Variants in CMAS observed in about 807,000 individuals in gnomAD.
CMAS encodes the protein cytidine monophosphate N-acetylneuraminic acid synthetase.
CMAS carries 21 observed loss-of-function variants against 53.4 expected under a neutral mutation model. The observed-to-expected ratio is 0.39, with a 90% CI of 0.28 to 0.57. The LOEUF (loss-of-function observed/expected upper bound fraction) is 0.57. Ranked by LOEUF, CMAS falls within the 20% of genes least tolerant of loss-of-function variation. The probability of loss-of-function intolerance (pLI) is 0.56; values close to 1 mark genes in which losing one functional copy is unlikely to be tolerated. For missense variants in CMAS, 384 were observed against 534.9 expected, an observed-to-expected ratio of 0.72 and a Z score of 2.78; for synonymous variants, 189 against 195.2, an observed-to-expected ratio of 0.97 and a Z score of 0.27.
In CMAS at chr12:22,064,077, T is replaced by C. The variant is rs1950327597; in HGVS notation, c.1115-1044T>C. The C allele has an allele frequency of 2.0e-5, 3 of 152,306 alleles. No homozygotes were observed. The South Asian group carries it at 6.2e-4, about 32-fold the overall frequency. 9.4% of individuals were successfully genotyped at this position (152,306 alleles called of 1,614,324 possible). On this transcript the variant is annotated intron_variant, in intron 7 of 7. Coordinates refer to ENST00000229329, the MANE Select transcript of CMAS (RefSeq NM_018686.6). The stretch of plus-strand genomic sequence containing the variant: ...GGCTGGATTATGCAAATACTAACTT[T>C]TTTTATTTTAGTGAAAACGATTCAA...
intron 4 of CMAS, among the ~76,000 whole-genome samples, chr12:22,059,664 G>T (rs895786308): frequency 6.6e-6 from 1 of 152,182 alleles, no homozygotes; most frequent in Non-Finnish European, 1.5e-5. Context: ...TGGTCAATGT[G>T]TAGGCAAACT....
In CMAS at chr12:22,060,822, C is replaced by T. The variant is rs377541104; in HGVS notation, c.694-10C>T. 187 of 1,525,906 alleles carry T rather than the reference C, an allele frequency of 1.2e-4. No individual in the cohort carries two copies. Among genetic ancestry groups the T allele is most frequent in the Admixed American group, 4.5e-4 (27 of 59,784 alleles). The allele number at this position is 1,525,906 out of a possible 1,614,324, so 94.5% of individuals were successfully genotyped here. On this transcript the variant is annotated splice_polypyrimidine_tract_variant and intron_variant, in intron 4 of 7. Transcript: ENST00000229329. The stretch of plus-strand genomic sequence containing the variant: ...AAAAACAGTATTCATGACATTTATA[C>T]TACCTTTAGGGTGGAAAAATGGCAT...
At chr12:22,049,066 CTT>C (rs1591791687) in intron 1 of CMAS, among the ~76,000 whole-genome samples, 1 of 152,274 alleles carries the variant, frequency 6.6e-6, no homozygotes, top group East Asian at 1.9e-4. Flanking sequence ...TTTTGTGTGT[CTT>C]TGATAGCAGT....
intron 1 of CMAS, 47 bp downstream of exon 1, chr12:22,046,610 A>G (rs1256005534): frequency 1.4e-5 from 21 of 1,469,106 alleles, no homozygotes; most frequent in African/African-American, 2.9e-5. Context: ...GGGGGTCGGG[A>G]GAGGGAGTCG....
At position 22,053,526 on chromosome 12, in the gene CMAS, T is replaced by TAC. The variant is rs546832349; in HGVS notation, c.261-1615_261-1614dup. Among the ~76,000 whole-genome samples, 628 of 147,884 alleles carry TAC rather than the reference T, an allele frequency of 4.2e-3. 5 individuals are homozygous for TAC. Among genetic ancestry groups the TAC allele is most frequent in the African/African-American group, 0.015 (580 of 39,814 alleles). On this transcript the variant is annotated intron_variant, in intron 1 of 7. Transcript: ENST00000229329. The stretch of plus-strand genomic sequence containing the variant: ...TACACACCAAATATATATATATATA[T>TAC]ACACACACATACACCAAAGACTATA...
At chr12:22,054,629 T>C (rs540896888) in intron 1 of CMAS, among the ~76,000 whole-genome samples, 198 of 152,234 alleles carry the variant, frequency 1.3e-3, no homozygotes, top group African/African-American at 4.5e-3. Context: ...ATTTTTTTTT[T>C]TTTAGCAAGC....
At chr12:22,062,911 T>C (rs1421742856) in intron 7 of CMAS, among the ~76,000 whole-genome samples, 1 of 152,202 alleles carries the variant, frequency 6.6e-6, no homozygotes, top group East Asian at 1.9e-4. Context: ...AATGGGCCAA[T>C]AGTGAAGTTA....
chr12:22,046,474 C>T lies in CMAS; in HGVS notation c.171C>T (p.Gly57=). Residue 57 remains glycine (G), a synonymous_variant, in exon 1 of 8, where the codon GGC becomes GGT. Transcript: ENST00000229329. The part of the protein sequence containing the change: ...ALILARGGSK[G]IPLKNIKHLA... ...TTCTGGCCCGGGGAGGCAGCAAAGG[C>T]ATCCCCCTGAAGAACATTAAGCACC... 6.2e-7 allele frequency: 1 copy of T among 1,610,480 alleles called. No homozygotes were observed. Among genetic ancestry groups the T allele is most frequent in the Non-Finnish European group, 8.5e-7 (1 of 1,178,748 alleles).
intron 3 of CMAS, among the ~76,000 whole-genome samples, chr12:22,058,284 G>A (rs934411582): frequency 6.6e-6 from 1 of 151,496 alleles, no homozygotes; most frequent in Non-Finnish European, 1.5e-5. Context: ...AATTAGCCAG[G>A]TGTGGTGGTG....
chr12:22,062,039 G>A (rs1950311374), intron 6 of CMAS, among the ~76,000 whole-genome samples: 1 of 152,158 alleles, frequency 6.6e-6, no homozygotes, highest in South Asian at 2.1e-4. Context: ...CCTTTCTATT[G>A]TAGAAAATAA....
In CMAS at chr12:22,055,623, CA is replaced by C; in HGVS notation, c.559+14del. On this transcript the variant is annotated intron_variant, in intron 3 of 7. Transcript: ENST00000229329. The stretch of plus-strand genomic sequence containing the variant: ...ATTCAGAAAGGAGGTAATCTCTTTT[CA>C]GTCTTTATTTTAGCTGATTTTATTG... 1 of 1,603,132 alleles carries C rather than the reference CA, an allele frequency of 6.2e-7. No homozygotes were observed. Among genetic ancestry groups the C allele is most frequent in the Non-Finnish European group, 8.5e-7 (1 of 1,177,090 alleles).
chr12:22,057,860 G>A (rs1038649162), intron 3 of CMAS, among the ~76,000 whole-genome samples: 1 of 145,868 alleles, frequency 6.9e-6, no homozygotes, highest in Non-Finnish European at 1.5e-5. Flanking sequence ...GTCTCACTCT[G>A]TTGCCCAGGC....
chr12:22,058,441 A>G, intron 3 of CMAS, 126 bp from the exon 4 acceptor site: 1 of 834,488 alleles, frequency 1.2e-6, no homozygotes, highest in Non-Finnish European at 1.8e-6. Context: ...AAAAAAAGAA[A>G]AGTTCTTTAT....
At position 22,065,533 on chromosome 12, in the gene CMAS, A is replaced by G. The variant is rs964487825; in HGVS notation, c.*222A>G. On this transcript the variant is annotated 3_prime_UTR_variant, in exon 8 of 8. Transcript: ENST00000229329. ...GTAAATGCAAGTAAGAACATCATCA[A>G]AGTTCACTTTGTATTGTACCCTGTA... is the stretch of plus-strand genomic sequence containing the variant. The G allele has an allele frequency of 8.5e-6, 4 of 470,674 alleles. No homozygotes were observed. Among genetic ancestry groups the G allele is most frequent in the East Asian group, 6.9e-5 (2 of 28,928 alleles). 29.2% of individuals were successfully genotyped at this position (470,674 alleles called of 1,614,324 possible).
intron 5 of CMAS, 147 bp downstream of exon 5, chr12:22,061,073 G>T: frequency 1.5e-6 from 1 of 681,108 alleles, no homozygotes; most frequent in South Asian, 1.9e-5. Context: ...TGTTTACATG[G>T]CTTCAATAAA....
chr12:22,046,532 C>A lies in CMAS; in HGVS notation c.229C>A (p.Arg77Ser). The change falls in exon 1 of 8, where the codon CGT becomes AGT. Residue 77 changes from arginine (R) to serine (S), a missense_variant. Around this residue, in one of 3 missense-constraint regions of CMAS, gnomAD observed 111 missense variants for 132.2 expected, o/e 0.84. Transcript: ENST00000229329. ...AGVPLIGWVL[R>S]AALDSGAFQS... Reference sequence around the variant, plus strand: ...GGTCCCGCTCATTGGCTGGGTCCTGCGTGCGGCCCTGGATTCAGGGGCCTT... The same window carrying A: ...GGTCCCGCTCATTGGCTGGGTCCTGAGTGCGGCCCTGGATTCAGGGGCCTT... 1 of 1,600,516 alleles carries A rather than the reference C, an allele frequency of 6.2e-7. No individual in the cohort carries two copies.
chr12:22,054,736 C>T (rs889753870), intron 1 of CMAS, among the ~76,000 whole-genome samples: 1 of 151,298 alleles, frequency 6.6e-6, no homozygotes, highest in Non-Finnish European at 1.5e-5. Flanking sequence ...TTTTTAAAAA[C>T]GTTTATTTTA....
At chr12:22,051,581 ATTTT>A (rs1478118657) in intron 1 of CMAS, among the ~76,000 whole-genome samples, 1 of 152,096 alleles carries the variant, frequency 6.6e-6, no homozygotes, top group African/African-American at 2.4e-5. Context: ...TCACTTGCTC[ATTTT>A]CTCTTTTGCA....
chr12:22,056,696 A>C (rs1950270477), intron 3 of CMAS, among the ~76,000 whole-genome samples: 1 of 152,174 alleles, frequency 6.6e-6, no homozygotes, highest in Non-Finnish European at 1.5e-5. Context: ...AGGGGGAAGC[A>C]TTAGGTGGGG....
Sources: allele counts gnomAD v4.1 joint callset (sites outside exome capture counted in the v4.1 genomes callset), GRCh38; gene constraint gnomAD v4.1.1; regional missense constraint gnomAD v4.1.1; transcripts MANE v1.5; gene names NCBI Gene and HGNC (gene_info 2026-07-23, HGNC 2026-07-21).